Variants in HERC3 observed in about 807,000 individuals in gnomAD.
The protein encoded by HERC3 is HECT and RLD domain containing E3 ubiquitin protein ligase 3, also known as probable E3 ubiquitin-protein ligase HERC3.
A neutral mutation model predicts 129.9 loss-of-function variants in HERC3; 58 were observed. The ratio of observed to expected loss-of-function variants is 0.45; its 90% CI spans 0.36 to 0.56. HERC3 has a LOEUF of 0.56. Ranked by LOEUF, HERC3 falls within the 20% of genes least tolerant of loss-of-function variation. The probability of loss-of-function intolerance (pLI) is 0.00; values close to 1 mark genes in which losing one functional copy is unlikely to be tolerated. For missense variants in HERC3, 835 were observed against 1,244.2 expected (o/e 0.67, Z 4.95); for synonymous variants, 430 against 451.0 (o/e 0.95, Z 0.59).
the HERC3 span, among the ~76,000 whole-genome samples, chr4:88,585,235 C>G: frequency 1.3e-5 from 2 of 152,338 alleles, no homozygotes; most frequent in East Asian, 1.9e-4. Context: ...TACCATCACC[C>G]TGGGGGTTAG....
chr4:88,652,810 A>G (rs1040869550), intron 5 of HERC3, 59 bp from the exon 6 acceptor site: 1 of 1,522,310 alleles, frequency 6.6e-7, no homozygotes, highest in Non-Finnish European at 8.9e-7. Flanking sequence ...TAACTAGATT[A>G]TTTTTGTGTG....
intron 2 of HERC3, among the ~76,000 whole-genome samples, chr4:88,596,155 T>G (rs990455517): frequency 6.6e-6 from 1 of 152,214 alleles, no homozygotes; most frequent in African/African-American, 2.4e-5. Context: ...GGCCAAGCAC[T>G]TAATTCTTAG....
At chr4:88,692,936 G>A (rs985814245) in intron 23 of HERC3, 13 of 985,156 alleles carry the variant, frequency 1.3e-5, no homozygotes, top group East Asian at 2.3e-4. Context: ...GCTGTTTTTC[G>A]TTTCAGGCTG....
rs992119767 is a variant in HERC3, at chr4:88,597,632, T to G, written c.-30+2018T>G. On this transcript the variant is annotated intron_variant, in intron 2 of 25. Transcript: ENST00000402738. ...GACTTTTCAATTCTTGCCAGTCTCGTTGGTGTCTTTTGAAGGCAGTCCACA... is the reference window on the plus strand; with the variant it reads ...GACTTTTCAATTCTTGCCAGTCTCGGTGGTGTCTTTTGAAGGCAGTCCACA... Among the ~76,000 whole-genome samples, 9 of 152,222 alleles carry G rather than the reference T, an allele frequency of 5.9e-5. No homozygotes were observed. In the South Asian group the frequency reaches 1.2e-3, roughly 21 times the overall value.
chr4:88,555,455 A>G, the HERC3 span, among the ~76,000 whole-genome samples: 1 of 152,316 alleles, frequency 6.6e-6, no homozygotes, highest in Non-Finnish European at 1.5e-5. Flanking sequence ...TCTTAAAAAC[A>G]TTTGATTTGT....
At chr4:88,679,008 T>C (rs892208757) in intron 19 of HERC3, among the ~76,000 whole-genome samples, 2 of 152,210 alleles carry the variant, frequency 1.3e-5, no homozygotes, top group African/African-American at 4.8e-5. Flanking sequence ...GGTCCCAGTC[T>C]CTGTCCCATT....
chr4:88,654,996 GA>G (rs1729728673), intron 7 of HERC3, among the ~76,000 whole-genome samples, 177 bp from the exon 8 acceptor site: 1 of 152,192 alleles, frequency 6.6e-6, no homozygotes, highest in Non-Finnish European at 1.5e-5. Context: ...GATGCAGTCT[GA>G]AATTCCCTTT....
At chr4:88,678,823 T>C (rs1491003950) in intron 19 of HERC3, among the ~76,000 whole-genome samples, 1 of 152,252 alleles carries the variant, frequency 6.6e-6, no homozygotes, top group African/African-American at 2.4e-5. Context: ...ATTTTTACCC[T>C]TTCCAAAATT....
intron 3 of HERC3, among the ~76,000 whole-genome samples, chr4:88,617,963 G>T (rs531388624): frequency 1.3e-5 from 2 of 152,350 alleles, no homozygotes; most frequent in East Asian, 1.9e-4. Context: ...CCTCAAGGAA[G>T]TGGAGGCAGC....
At chr4:88,693,163 G>GT (rs1734246253) in intron 23 of HERC3, 1 of 984,892 alleles carries the variant, frequency 1.0e-6, no homozygotes, top group Non-Finnish European at 1.2e-6. Context: ...TATTTGGCTT[G>GT]TTTGTATGTT....
At chr4:88,591,465 T>C (rs187273877), upstream of HERC3, among the ~76,000 whole-genome samples, 2 of 152,226 alleles carry the variant, frequency 1.3e-5, no homozygotes, top group Non-Finnish European at 2.9e-5. Flanking sequence ...GATTTGAATG[T>C]CCTTGGTAAG....
At chr4:88,673,331 G>A (rs751768755) in intron 16 of HERC3, among the ~76,000 whole-genome samples, 5 of 152,138 alleles carry the variant, frequency 3.3e-5, no homozygotes, top group Admixed American at 6.6e-5. Context: ...AGGTGTGCGT[G>A]TAGTGCCTCC....
In HERC3 at chr4:88,707,269, T is replaced by C; in HGVS notation, c.*309T>C. 1 of 304,146 alleles carries C rather than the reference T, an allele frequency of 3.3e-6. No individual in the cohort carries two copies. Among genetic ancestry groups the C allele is most frequent in the Non-Finnish European group, 6.2e-6 (1 of 161,942 alleles). The allele number at this position is 304,146 out of a possible 1,614,324, so 18.8% of individuals were successfully genotyped here. ...TGCACTCTGCTGGATGAAATGGCAG[T>C]GGATTTTTAAACTTTAATTTCCCAA... On this transcript the variant is annotated 3_prime_UTR_variant, in exon 26 of 26. Coordinates refer to ENST00000402738, the MANE Select transcript of HERC3 (RefSeq NM_014606.3).
Position 88,707,744 on chromosome 4 carries a change from C to CA in HERC3, c.*785dup, listed in dbSNP as rs572910332. The CA allele has an allele frequency of 3.3e-5, 5 of 152,466 alleles. No individual in the cohort carries two copies. Among genetic ancestry groups the CA allele is most frequent in the African/African-American group, 1.2e-4 (5 of 41,578 alleles). 9.4% of individuals were successfully genotyped at this position (152,466 alleles called of 1,614,324 possible). A position where few individuals can be genotyped will look rare whatever the true frequency, so the allele number is the denominator to read the frequency against. ...TGACAATAAGGTTAATTGATAGACC[C>CA]ACCACCTCTTGCACTCTCGCTTTTG... On this transcript the variant is annotated 3_prime_UTR_variant, in exon 26 of 26. Transcript: ENST00000402738.
At chr4:88,690,659 G>A in intron 23 of HERC3, 2 of 970,776 alleles carry the variant, frequency 2.1e-6, no homozygotes, top group African/African-American at 3.5e-5. Flanking sequence ...TGCAATTGAG[G>A]CAGTGGCCAG....
chr4:88,684,589 A>ATG (rs1461112243), intron 21 of HERC3, among the ~76,000 whole-genome samples: 24 of 152,320 alleles, frequency 1.6e-4, no homozygotes, highest in Admixed American at 3.9e-4. Context: ...TAAAACACCA[A>ATG]AAGCAAGGGC....
At chr4:88,542,689 T>C in the HERC3 span, among the ~76,000 whole-genome samples, 1 of 152,172 alleles carries the variant, frequency 6.6e-6, no homozygotes, top group African/African-American at 2.4e-5. Flanking sequence ...AAATCCTCAA[T>C]AAAATACTGT....
intron 15 of HERC3, 42 bp downstream of exon 15, chr4:88,670,065 G>T (rs369846515): frequency 1.2e-6 from 2 of 1,605,990 alleles, no homozygotes; most frequent in African/African-American, 1.3e-5. Context: ...TGATTAGATG[G>T]TAGGGTAAAA....
chr4:88,690,651 C>T, intron 23 of HERC3: 1 of 979,348 alleles, frequency 1.0e-6, no homozygotes, highest in Non-Finnish European at 1.2e-6. Context: ...ATGTAGTCTG[C>T]AATTGAGGCA....
Sources: gnomAD v4.1 joint callset for allele counts (sites outside exome capture counted in the v4.1 genomes callset) on GRCh38, gnomAD v4.1.1 for gene constraint, MANE v1.5 for transcripts, NCBI Gene and HGNC (gene_info 2026-07-23, HGNC 2026-07-21) for gene names.